The following CFAP298 variants were observed in gnomAD, a reference collection of about 807,000 sequenced individuals.
CFAP298 encodes cilia and flagella associated protein 298, also known as cilia- and flagella-associated protein 298.
Under a neutral mutation model 41.0 loss-of-function variants are expected in CFAP298, and 38 were observed. The observed-to-expected ratio is 0.93, with a 90% CI of 0.72 to 1.22. The LOEUF is 1.22. Ranked by LOEUF, CFAP298 falls within the 50% of genes most tolerant of loss-of-function variation. The pLI, the probability that CFAP298 is intolerant of heterozygous loss-of-function variation, is 0.00. For synonymous variants in CFAP298, 137 were observed against 135.3 expected (o/e 1.01, Z -0.09); for missense variants, 348 against 360.3 (o/e 0.97, Z 0.28).
rs2038907938 is a variant in CFAP298 at position 32,608,127 on chromosome 21, T to C, written c.308-411A>G. 2.6e-5 allele frequency among the ~76,000 whole-genome samples: 4 copies of C among 151,734 alleles called. No homozygotes were observed. The South Asian group carries it at 8.3e-4, about 32-fold the overall frequency. On this transcript the variant is annotated intron_variant, in intron 2 of 6. Coordinates refer to ENST00000290155, the MANE Select transcript of CFAP298 (RefSeq NM_021254.4). ...CTGGGGTAGCTGCGTCTCCTTACAA[T>C]TTTATTTACAATAGGCAGCTGGCTA...
At chr21:32,609,730 A>C in intron 2 of CFAP298, 108 bp downstream of exon 2, 1 of 984,114 alleles carries the variant, frequency 1.0e-6, no homozygotes, top group Non-Finnish European at 1.5e-6. Context: ...GTGCCACTGC[A>C]CTCCAGCCTG....
intron 3 of CFAP298, among the ~76,000 whole-genome samples, chr21:32,605,678 G>T (rs954429039): frequency 6.6e-6 from 1 of 152,208 alleles, no homozygotes; most frequent in Admixed American, 6.5e-5. Flanking sequence ...CAAATTTGTA[G>T]TCAAGCTGGA....
chr21:32,603,376 G>A (rs2038797726), intron 4 of CFAP298, 84 bp from the exon 5 acceptor site: 2 of 1,481,174 alleles, frequency 1.4e-6, no homozygotes, highest in East Asian at 2.3e-5. Context: ...GCAGGGGGCA[G>A]GGGACAGATT....
chr21:32,609,557 G>A lies in CFAP298; in HGVS notation c.307+281C>T, dbSNP rs112835526. ...AGACCGGCAGATCATCTGAGGTCAC[G>A]AGTTCGAGACCAGCCTGGCCAACAT... is the stretch of plus-strand genomic sequence containing the variant. On this transcript the variant is annotated intron_variant, in intron 2 of 6. Transcript: ENST00000290155. 2.2e-3 allele frequency among the ~76,000 whole-genome samples: 337 copies of A among 152,342 alleles called. 4 individuals are homozygous for A. Among genetic ancestry groups the A allele is most frequent in the African/African-American group, 7.7e-3 (321 of 41,570 alleles).
Position 32,599,506 on chromosome 21 carries a change from C to G in CFAP298, c.*2357G>C, listed in dbSNP as rs970696691. Reference sequence around the variant, plus strand: ...GGTTTCCTTTTGATATTGACTCAAACAGGGACTGGATTAAAAAAAGAAGAA... The same window carrying G: ...GGTTTCCTTTTGATATTGACTCAAAGAGGGACTGGATTAAAAAAAGAAGAA... On this transcript the variant is annotated 3_prime_UTR_variant, in exon 7 of 7. Transcript: ENST00000290155. 1.3e-5 allele frequency among the ~76,000 whole-genome samples: 2 copies of G among 152,180 alleles called. No homozygotes were observed. Among genetic ancestry groups the G allele is most frequent in the Admixed American group, 1.3e-4 (2 of 15,274 alleles).
chr21:32,605,988 A>C (rs2038859587), intron 3 of CFAP298, among the ~76,000 whole-genome samples: 1 of 152,352 alleles, frequency 6.6e-6, no homozygotes, highest in Non-Finnish European at 1.5e-5. Flanking sequence ...CTTAAGAGGC[A>C]TCATGGGAGC....
chr21:32,605,983 G>C (rs900365662), intron 3 of CFAP298, among the ~76,000 whole-genome samples: 1 of 152,198 alleles, frequency 6.6e-6, no homozygotes, highest in Non-Finnish European at 1.5e-5. Flanking sequence ...GTGGACTTAA[G>C]AGGCATCATG....
chr21:32,603,117 GA>G (rs1228325837), intron 5 of CFAP298, 43 bp downstream of exon 5: 3 of 1,605,614 alleles, frequency 1.9e-6, no homozygotes, highest in Admixed American at 1.7e-5. Context: ...AGTTTGAAGG[GA>G]AATAACAAAA....
rs61735781 is a variant in CFAP298 at position 32,603,205 on chromosome 21, C to A, written c.622G>T (p.Val208Leu). Residue 208 changes from valine to leucine, a missense_variant, in exon 5 of 7, where the codon GTG becomes TTG. Coordinates refer to ENST00000290155, the MANE Select transcript of CFAP298 (RefSeq NM_021254.4). ...ATTTTGGTTTTTTCATTCTTCCCCA[C>A]GTAGTCTGAAAGCTTCTTCGTTCTT... The part of the protein sequence containing the change: ...LRRTKKLSDY[V>L]GKNEKTKIIA... 4 of 1,614,228 alleles carry A rather than the reference C, an allele frequency of 2.5e-6. No individual in the cohort carries two copies. Among genetic ancestry groups the A allele is most frequent in the Non-Finnish European group, 3.4e-6 (4 of 1,180,032 alleles).
intron 3 of CFAP298, among the ~76,000 whole-genome samples, chr21:32,605,405 G>A (rs966568639): frequency 2.0e-5 from 3 of 152,146 alleles, no homozygotes; most frequent in African/African-American, 4.8e-5. Flanking sequence ...TGTAGTCCGC[G>A]CTGGGTTTCA....
rs1215082978 is a variant in CFAP298 at position 32,612,219 on chromosome 21, C to T, written c.25G>A (p.Gly9Ser). The T allele has an allele frequency of 5.6e-6, 9 of 1,607,798 alleles. No individual in the cohort carries two copies. The highest frequency in any genetic ancestry group is 1.1e-5 in the South Asian group (1 of 90,172). ...TGCAGCAGGAACTGGCTCTCGTCGC[C>T]CCGCTTCACGTGCAGCAGAACCATG... The part of the protein sequence containing the change: MVLLHVKR[G>S]DESQFLLQAP... Residue 9 changes from glycine to serine, a missense_variant, in exon 1 of 7, where the codon GGC (glycine) becomes AGC (serine). Gly to Ser is a moderately conservative substitution (Grantham distance 56). Coordinates refer to ENST00000290155, the MANE Select transcript of CFAP298 (RefSeq NM_021254.4).
Position 32,604,198 on chromosome 21 carries a change from T to C in CFAP298, c.461A>G (p.Tyr154Cys). Residue 154 changes from tyrosine to cysteine, a missense_variant, in exon 4 of 7, where the codon TAC (tyrosine) becomes TGC (cysteine). Physicochemically the swap from Tyr to Cys is radical, Grantham distance 194. Coordinates refer to ENST00000290155, the MANE Select transcript of CFAP298 (RefSeq NM_021254.4). Reference sequence around the variant, plus strand: ...ATCATACGGTGGCAACCCCATGGGGTAAACAATCATCACCGCGCCTCGAAG... The same window carrying C: ...ATCATACGGTGGCAACCCCATGGGGCAAACAATCATCACCGCGCCTCGAAG... ...DQLRGAVMIV[Y>C]PMGLPPYDPI... The C allele has an allele frequency of 6.2e-7, 1 of 1,614,040 alleles. No homozygotes were observed. The highest frequency in any genetic ancestry group is 8.5e-7 in the Non-Finnish European group (1 of 1,180,000).
intron 6 of CFAP298, 56 bp downstream of exon 6, chr21:32,602,216 C>A: frequency 1.3e-6 from 2 of 1,546,642 alleles, no homozygotes; most frequent in South Asian, 1.1e-5. Flanking sequence ...CCAGGTAAGG[C>A]ACACAGGCTA....
intron 3 of CFAP298, among the ~76,000 whole-genome samples, chr21:32,605,505 T>C (rs373079808): frequency 3.3e-5 from 5 of 152,196 alleles, no homozygotes; most frequent in East Asian, 3.8e-4. Context: ...CTCCAGGCGC[T>C]AGAGGTTGGG....
At position 32,600,921 on chromosome 21, in the gene CFAP298, A is replaced by G. The variant is rs961441381; in HGVS notation, c.*942T>C. 4.6e-5 allele frequency among the ~76,000 whole-genome samples: 7 copies of G among 152,360 alleles called. No homozygotes were observed. The highest frequency in any genetic ancestry group is 6.8e-3 in the Middle Eastern group (2 of 294). On this transcript the variant is annotated 3_prime_UTR_variant, in exon 7 of 7. Transcript: ENST00000290155. ...ATGAGTTTGCTACTCAACCTTCATC[A>G]TGGTTGTAGCTTTCGCTCCCAGAAT...
chr21:32,608,241 AAAAG>A lies in CFAP298; in HGVS notation c.308-529_308-526del, dbSNP rs2038911393. ...TTAGAAGCCAAAAAAAAAAAAAAAA[AAAAG>A]AAGAAGATGGAATGCCCAAACCTAG... On this transcript the variant is annotated intron_variant, in intron 2 of 6. Transcript: ENST00000290155. 2.0e-5 allele frequency among the ~76,000 whole-genome samples: 3 copies of A among 151,706 alleles called. No individual in the cohort carries two copies. The South Asian group carries it at 6.2e-4, about 32-fold the overall frequency.
At chr21:32,604,024 G>T in intron 4 of CFAP298, 101 bp downstream of exon 4, 1 of 1,192,066 alleles carries the variant, frequency 8.4e-7, no homozygotes, top group Non-Finnish European at 1.2e-6. Context: ...TGAAAGCTGT[G>T]TAGGGAGCAA....
At position 32,600,261 on chromosome 21, in the gene CFAP298, T is replaced by C. The variant is rs1291960806; in HGVS notation, c.*1602A>G. On this transcript the variant is annotated 3_prime_UTR_variant, in exon 7 of 7. Coordinates refer to ENST00000290155, the MANE Select transcript of CFAP298 (RefSeq NM_021254.4). ...AGATGCAAATTTGCTTTTACAAAAT[T>C]TGAAAATCAACCAAAAGAGTAAGGC... Among the ~76,000 whole-genome samples, 2 of 152,164 alleles carry C rather than the reference T, an allele frequency of 1.3e-5. No individual in the cohort carries two copies. Among genetic ancestry groups the C allele is most frequent in the Admixed American group, 6.5e-5 (1 of 15,278 alleles).
At chr21:32,603,367 C>T (rs2038796872) in intron 4 of CFAP298, 75 bp from the exon 5 acceptor site, 10 of 1,510,972 alleles carry the variant, frequency 6.6e-6, no homozygotes, top group Non-Finnish European at 9.1e-6. Flanking sequence ...CCCCTCCCAG[C>T]AGGGGGCAGG....
Sources: gnomAD v4.1 joint callset for allele counts (sites outside exome capture counted in the v4.1 genomes callset) on GRCh38, gnomAD v4.1.1 for gene constraint, MANE v1.5 for transcripts, NCBI Gene and HGNC (gene_info 2026-07-23, HGNC 2026-07-21) for gene names.